Variants in UTP20 observed in about 807,000 individuals in gnomAD.
UTP20 encodes the protein UTP20 small subunit processome component, also known as small subunit processome component 20 homolog.
Under a neutral mutation model 329.5 loss-of-function variants are expected in UTP20, and 164 were observed. That is an observed-to-expected ratio of 0.50 (90% CI 0.44 to 0.57). The LOEUF (loss-of-function observed/expected upper bound fraction) is 0.57, where lower values mean the gene tolerates loss of function less well. Ranked by LOEUF, UTP20 falls within the 20% of genes least tolerant of loss-of-function variation. The pLI is 0.00. For missense variants in UTP20, 3,055 were observed against 3,284.2 expected, an observed-to-expected ratio of 0.93 and a Z score of 1.71; for synonymous variants, 1,151 against 1,159.3, an observed-to-expected ratio of 0.99 and a Z score of 0.14.
intron 14 of UTP20, 21 bp from the exon 15 acceptor site, chr12:101,302,427 C>G (rs376292843): frequency 2.1e-6 from 3 of 1,417,444 alleles, no homozygotes; most frequent in African/African-American, 2.8e-5. Context: ...AATGTGGTTT[C>G]TCCTGTTTTT....
At chr12:101,282,291 G>C (rs552952888) in intron 2 of UTP20, among the ~76,000 whole-genome samples, 1 of 152,154 alleles carries the variant, frequency 6.6e-6, no homozygotes, top group Non-Finnish European at 1.5e-5. Flanking sequence ...CGGTGATCTA[G>C]ACGAGGTGAC....
In UTP20 at chr12:101,365,605, C is replaced by T. The variant is rs1183215320; in HGVS notation, c.6105C>T (p.Pro2035=). The T allele has an allele frequency of 6.4e-7, 1 of 1,570,060 alleles. No homozygotes were observed. The highest frequency in any genetic ancestry group is 1.4e-5 in the African/African-American group (1 of 72,030). The part of the protein sequence containing the change: ...LSYGLISENL[P]LLTEKEKNPV... ...ATGGTTTGATCAGTGAAAATCTTCCCCTGTTAACAGAGAAAGAAAAGTAAG... is the reference window on the plus strand; with the variant it reads ...ATGGTTTGATCAGTGAAAATCTTCCTCTGTTAACAGAGAAAGAAAAGTAAG... Residue 2035 remains proline (P), a synonymous_variant, in exon 46 of 62, where the codon CCC becomes CCT. Transcript: ENST00000261637.
chr12:101,334,632 G>C, intron 29 of UTP20, 128 bp downstream of exon 29: 1 of 709,450 alleles, frequency 1.4e-6, no homozygotes, highest in Non-Finnish European at 2.2e-6. Context: ...GGTACAGTTA[G>C]AGAATGAGGC....
chr12:101,336,021 T>C lies in UTP20; in HGVS notation c.3641+1517T>C, dbSNP rs564465530. The stretch of plus-strand genomic sequence containing the variant: ...TTCATTTTTATATTCATTGGGTCCT[T>C]ATTGAAGGTATTGAGCCACATTGTT... On this transcript the variant is annotated intron_variant, in intron 29 of 61. Coordinates refer to ENST00000261637, the MANE Select transcript of UTP20 (RefSeq NM_014503.3). Among the ~76,000 whole-genome samples, 249 of 152,350 alleles carry C rather than the reference T, an allele frequency of 1.6e-3. 3 individuals carry two copies. Among genetic ancestry groups the C allele is most frequent in the Admixed American group, 3.3e-3 (51 of 15,304 alleles).
At chr12:101,349,138 G>A (rs1397027732) in intron 38 of UTP20, among the ~76,000 whole-genome samples, 1 of 151,926 alleles carries the variant, frequency 6.6e-6, no homozygotes, top group Non-Finnish European at 1.5e-5. Flanking sequence ...TCCCCCAAAT[G>A]TAATGTGTTT....
In UTP20 at chr12:101,302,530, G is replaced by A. The variant is rs374134887; in HGVS notation, c.1758G>A (p.Val586=). Residue 586 remains valine (V), a synonymous_variant, in exon 15 of 62, where the codon GTG becomes GTA. Transcript: ENST00000261637. The part of the protein sequence containing the change: ...ESSELLHLVP[V]ERVKNLVLTF... Reference sequence around the variant, plus strand: ...CTGAACTTCTTCATTTGGTTCCTGTGGAACGTGTGAAGAATTTAGTATTGT... The same window carrying A: ...CTGAACTTCTTCATTTGGTTCCTGTAGAACGTGTGAAGAATTTAGTATTGT... 1 of 1,609,012 alleles carries A rather than the reference G, an allele frequency of 6.2e-7. No homozygotes were observed. Among genetic ancestry groups the A allele is most frequent in the Non-Finnish European group, 8.5e-7 (1 of 1,178,336 alleles).
In UTP20 at chr12:101,354,941, G is replaced by A. The variant is rs770251436; in HGVS notation, c.5217G>A (p.Pro1739=). 6.8e-6 allele frequency: 11 copies of A among 1,613,992 alleles called. No individual in the cohort carries two copies. The highest frequency in any genetic ancestry group is 4.0e-5 in the African/African-American group (3 of 74,904). The stretch of plus-strand genomic sequence containing the variant: ...AGAGTTTGTCAGACAACGGACAACC[G>A]GGAACCCCTGATCCAGCTGACTCTG... The part of the protein sequence containing the change: ...TCKSLSDNGQ[P]GTPDPADSGG... The change falls in exon 41 of 62, where the codon CCG becomes CCA. Residue 1739 remains proline (P), a synonymous_variant. Coordinates refer to ENST00000261637, the MANE Select transcript of UTP20 (RefSeq NM_014503.3).
At chr12:101,347,452 GGCAGAGGCTGCAGTGA>G (rs1869363658) in intron 38 of UTP20, among the ~76,000 whole-genome samples, 1 of 152,116 alleles carries the variant, frequency 6.6e-6, no homozygotes, top group African/African-American at 2.4e-5. Context: ...GAACCCAGGA[GGCAGAGGCTGCAGTGA>G]GCCGAGATTA....
At chr12:101,352,241 A>G (rs903906936) in intron 39 of UTP20, 47 bp downstream of exon 39, 1 of 1,570,660 alleles carries the variant, frequency 6.4e-7, no homozygotes. Context: ...AATGTAATTT[A>G]TGGCTGCATA....
Position 101,369,727 on chromosome 12 carries a change from A to G in UTP20, c.6391A>G (p.Thr2131Ala). The change falls in exon 49 of 62, where the codon ACA (threonine) becomes GCA (alanine). Residue 2131 changes from threonine to alanine, a missense_variant. This residue lies in a region of UTP20 where 2,445 missense variants were observed against 2,575.5 expected (regional missense o/e 0.95). Transcript: ENST00000261637. The part of the protein sequence containing the change: ...CLGSMDVKVI[T>A]GALQCLIWVL... ...TTTGTTTTGTTTTTTTCAGGTGATC[A>G]CAGGTGCTTTACAGTGCCTCATCTG... 1.3e-6 allele frequency: 2 copies of G among 1,550,192 alleles called. No homozygotes were observed. The highest frequency in any genetic ancestry group is 1.8e-6 in the Non-Finnish European group (2 of 1,122,472).
In UTP20 at chr12:101,379,352, T is replaced by C. The variant is rs771118799; in HGVS notation, c.7397-19T>C. ...AGGAAGGCCATGTGACATCCACAAA[T>C]GCTTTTTGGTTCCCTTAGGTCATGT... On this transcript the variant is annotated intron_variant, in intron 56 of 61. Coordinates refer to ENST00000261637, the MANE Select transcript of UTP20 (RefSeq NM_014503.3). The C allele has an allele frequency of 1.0e-5, 16 of 1,569,894 alleles. No homozygotes were observed. The South Asian group carries it at 1.6e-4, about 16-fold the overall frequency.
At chr12:101,304,555 A>T (rs922276128) in intron 15 of UTP20, among the ~76,000 whole-genome samples, 1 of 152,142 alleles carries the variant, frequency 6.6e-6, no homozygotes, top group African/African-American at 2.4e-5. Context: ...TATAGGACAG[A>T]TCATGCCACT....
In UTP20 at chr12:101,353,032, T is replaced by C; in HGVS notation, c.5025-15T>C. The C allele has an allele frequency of 8.9e-7, 1 of 1,122,574 alleles. No individual in the cohort carries two copies. The highest frequency in any genetic ancestry group is 1.2e-6 in the Non-Finnish European group (1 of 823,062). The allele number at this position is 1,122,574 out of a possible 1,614,324, so 69.5% of individuals were successfully genotyped here. A position where few individuals can be genotyped will look rare whatever the true frequency, so the allele number is the denominator to read the frequency against. On this transcript the variant is annotated splice_polypyrimidine_tract_variant and intron_variant, in intron 39 of 61. Transcript: ENST00000261637. Reference sequence around the variant, plus strand: ...TAATCAAATGAACATTTCTGTATACTTTTTTTTTTAACAGTTTGCTAGTAA... The same window carrying C: ...TAATCAAATGAACATTTCTGTATACCTTTTTTTTTAACAGTTTGCTAGTAA...
chr12:101,309,334 A>G (rs911823385), intron 18 of UTP20, among the ~76,000 whole-genome samples: 8 of 152,200 alleles, frequency 5.3e-5, no homozygotes, highest in African/African-American at 1.9e-4. Context: ...GTGACCGGGA[A>G]ACTTTAGACC....
intron 4 of UTP20, 35 bp downstream of exon 4, chr12:101,285,916 A>T: frequency 6.3e-7 from 1 of 1,597,596 alleles, no homozygotes; most frequent in Non-Finnish European, 8.5e-7. Flanking sequence ...TCACAACTAT[A>T]TTTGCCTGAA....
Position 101,372,944 on chromosome 12 carries a change from T to C in UTP20, c.6859T>C (p.Phe2287Leu). ...LGDKLRPNLEFMLAQLNYEHE... is the reference protein window; with the variant it reads ...LGDKLRPNLELMLAQLNYEHE... ...TGACAAATTGAGACCAAACTTGGAA[T>C]TCATGCTCGCTCAACTGAAGTAAGC... The change falls in exon 52 of 62, where the codon TTC becomes CTC. Residue 2287 changes from phenylalanine to leucine, a missense_variant. This residue lies in a region of UTP20 where 273 missense variants were observed against 363.1 expected (regional missense o/e 0.75). Coordinates refer to ENST00000261637, the MANE Select transcript of UTP20 (RefSeq NM_014503.3). 1 of 1,614,126 alleles carries C rather than the reference T, an allele frequency of 6.2e-7. No homozygotes were observed. The highest frequency in any genetic ancestry group is 8.5e-7 in the Non-Finnish European group (1 of 1,179,972).
At position 101,320,887 on chromosome 12, in the gene UTP20, A is replaced by G; in HGVS notation, c.2865A>G (p.Ile955Met). Residue 955 changes from isoleucine (I) to methionine (M), a missense_variant, in exon 24 of 62, where the codon ATA becomes ATG. Transcript: ENST00000261637. ...ACCAAGATCAAATGGTGCAAAAAAT[A>G]ACCTTGGATTGCATAATGACATATA... ...LLHQDQMVQK[I>M]TLDCIMTYKH... 1 of 1,611,926 alleles carries G rather than the reference A, an allele frequency of 6.2e-7. No homozygotes were observed. Among genetic ancestry groups the G allele is most frequent in the South Asian group, 1.1e-5 (1 of 90,296 alleles).
At position 101,286,256 on chromosome 12, in the gene UTP20, C is replaced by T. The variant is rs971093452; in HGVS notation, c.327-65C>T. The T allele has an allele frequency of 1.6e-5, 23 of 1,403,950 alleles. No homozygotes were observed. The Admixed American group carries it at 2.5e-4, about 15-fold the overall frequency. The allele number at this position is 1,403,950 out of a possible 1,614,324, so 87.0% of individuals were successfully genotyped here. On this transcript the variant is annotated intron_variant, in intron 4 of 61. Transcript: ENST00000261637. ...CCTATGATCATAGGCCACCTACTATCGTTAAGTAGATTTGTAGCCTTTTAA... is the reference window on the plus strand; with the variant it reads ...CCTATGATCATAGGCCACCTACTATTGTTAAGTAGATTTGTAGCCTTTTAA...
At position 101,317,491 on chromosome 12, in the gene UTP20, C is replaced by T. The variant is rs1291147923; in HGVS notation, c.2566C>T (p.Pro856Ser). The change falls in exon 22 of 62, where the codon CCA becomes TCA. Residue 856 changes from proline (P) to serine (S), a missense_variant. By Grantham distance (74) the Pro-to-Ser change is moderately conservative (BLOSUM62 -1). This residue lies in a region of UTP20 where 2,445 missense variants were observed against 2,575.5 expected (regional missense o/e 0.95). Coordinates refer to ENST00000261637, the MANE Select transcript of UTP20 (RefSeq NM_014503.3). ...FLRFINNEYY[P>S]ADLQVAPTQD... ...TTTCCACGGTAGCAATGAGTATTACCCAGCAGATCTGCAAGTTGCTCCAAC... is the reference window on the plus strand; with the variant it reads ...TTTCCACGGTAGCAATGAGTATTACTCAGCAGATCTGCAAGTTGCTCCAAC... 6 of 1,613,940 alleles carry T rather than the reference C, an allele frequency of 3.7e-6. No homozygotes were observed. In the Admixed American group the frequency reaches 8.3e-5, roughly 22 times the overall value.
Sources: gnomAD v4.1 joint callset for allele counts (sites outside exome capture counted in the v4.1 genomes callset) on GRCh38, gnomAD v4.1.1 for gene constraint, gnomAD v4.1.1 regional missense constraint, MANE v1.5 for transcripts, NCBI Gene and HGNC (gene_info 2026-07-23, HGNC 2026-07-21) for gene names.